CCDC149: variants seen among roughly 807,000 people sequenced by gnomAD.
CCDC149 encodes the protein coiled-coil domain-containing protein 149.
A neutral mutation model predicts 59.9 loss-of-function variants in CCDC149; 45 were observed. The ratio of observed to expected loss-of-function variants is 0.75; its 90% CI spans 0.59 to 0.96. The LOEUF (loss-of-function observed/expected upper bound fraction) is 0.96. Among genes scored for constraint, CCDC149 ranks in the 40% least tolerant of loss-of-function variants. CCDC149 has a pLI of 0.00. For missense variants in CCDC149, 584 were observed against 664.7 expected (o/e 0.88, Z 1.33); for synonymous variants, 245 against 260.6 (o/e 0.94, Z 0.58).
intron 1 of CCDC149, among the ~76,000 whole-genome samples, chr4:24,968,952 G>C (rs921872544): frequency 1.3e-5 from 2 of 152,186 alleles, no homozygotes; most frequent in African/African-American, 4.8e-5. Context: ...ATATTCCTTT[G>C]GCCACCACTG....
chr4:24,943,228 G>A (rs1334346090), intron 1 of CCDC149, among the ~76,000 whole-genome samples: 1 of 152,198 alleles, frequency 6.6e-6, no homozygotes, highest in Non-Finnish European at 1.5e-5. Flanking sequence ...AGAGCCCTCA[G>A]AAATAATGCC....
At chr4:24,968,901 A>G (rs1723881926) in intron 1 of CCDC149, among the ~76,000 whole-genome samples, 1 of 152,224 alleles carries the variant, frequency 6.6e-6, no homozygotes, top group South Asian at 2.1e-4. Flanking sequence ...TCTGGGAAAT[A>G]GGTCATCAGA....
At chr4:24,962,060 A>G (rs1354981618) in intron 1 of CCDC149, among the ~76,000 whole-genome samples, 2 of 151,602 alleles carry the variant, frequency 1.3e-5, no homozygotes, top group Admixed American at 1.3e-4. Context: ...CAATCTACTC[A>G]TCTGACAAAG....
At chr4:24,855,933 T>C (rs758070264) in intron 3 of CCDC149, among the ~76,000 whole-genome samples, 3 of 152,242 alleles carry the variant, frequency 2.0e-5, no homozygotes, top group Non-Finnish European at 4.4e-5. Flanking sequence ...ACTTCCTGGG[T>C]TGGGTGACAT....
At chr4:24,808,850 TC>T in intron 12 of CCDC149, 31 bp from the exon 13 acceptor site, 1 of 1,511,064 alleles carries the variant, frequency 6.6e-7, no homozygotes. Flanking sequence ...ACATTAAACC[TC>T]TGGCAGCAAA....
In CCDC149 at chr4:24,838,161, C is replaced by T; in HGVS notation, c.484G>A (p.Glu162Lys). ...GAATAGATGTTAGTGAGAACCTGTT[C>T]CTTAGCTCGCTCTAGCTGCTGCACC... Residue 162 changes from glutamate (E) to lysine (K), a missense_variant, in exon 5 of 13, where the codon GAA becomes AAA. By Grantham distance (56) the Glu-to-Lys change is moderately conservative. Coordinates refer to ENST00000635206, the MANE Select transcript of CCDC149 (RefSeq NM_001330643.2). 6.2e-7 allele frequency: 1 copy of T among 1,613,006 alleles called. No individual in the cohort carries two copies. The highest frequency in any genetic ancestry group is 1.3e-5 in the African/African-American group (1 of 75,022).
chr4:24,867,267 A>G (rs1718763545), intron 3 of CCDC149, among the ~76,000 whole-genome samples: 1 of 152,260 alleles, frequency 6.6e-6, no homozygotes, highest in African/African-American at 2.4e-5. Flanking sequence ...TCCACTATGA[A>G]CAGGAGGAAA....
At chr4:24,937,727 C>T (rs913288556) in intron 1 of CCDC149, among the ~76,000 whole-genome samples, 1 of 152,206 alleles carries the variant, frequency 6.6e-6, no homozygotes, top group African/African-American at 2.4e-5. Context: ...ATGTGCATCA[C>T]TTCTATTCAC....
At chr4:24,966,265 A>G (rs993662001) in intron 1 of CCDC149, among the ~76,000 whole-genome samples, 1 of 152,158 alleles carries the variant, frequency 6.6e-6, no homozygotes, top group African/African-American at 2.4e-5. Context: ...AATGGCAGTC[A>G]TATGCCAAAT....
rs541460859 is a variant in CCDC149 at position 24,944,845 on chromosome 4, A to T, written c.-65+35224T>A. On this transcript the variant is annotated intron_variant, in intron 1 of 12. Coordinates refer to the CCDC149 transcript ENST00000389609. ...TGAAAGGATGGTGATGATGGTAGTT[A>T]TTTTTGGCAACTATAAGTCTAAGGG... Among the ~76,000 whole-genome samples, 3 of 152,294 alleles carry T rather than the reference A, an allele frequency of 2.0e-5. No homozygotes were observed. In the East Asian group the frequency reaches 5.8e-4, roughly 29 times the overall value.
rs150370031 is a variant in CCDC149 at position 24,834,356 on chromosome 4, C to T, written c.820+592G>A. ...GCGTGCTGCTATTTATTCCCCTGGA[C>T]TGTTCCTGGAAGATCATTATTTTTC... On this transcript the variant is annotated intron_variant, in intron 8 of 12. Coordinates refer to ENST00000635206, the MANE Select transcript of CCDC149 (RefSeq NM_001330643.2). Among the ~76,000 whole-genome samples, 1,230 of 152,228 alleles carry T rather than the reference C, an allele frequency of 8.1e-3. 18 individuals are homozygous for T. The highest frequency in any genetic ancestry group is 0.028 in the African/African-American group (1,170 of 41,536).
chr4:24,946,242 C>T (rs754377480), intron 1 of CCDC149, among the ~76,000 whole-genome samples: 8 of 152,148 alleles, frequency 5.3e-5, no homozygotes, highest in Non-Finnish European at 1.0e-4. Context: ...AATTGCCTAG[C>T]CTGAATCCTA....
At chr4:24,853,876 G>A (rs1717833976) in intron 3 of CCDC149, among the ~76,000 whole-genome samples, 1 of 152,102 alleles carries the variant, frequency 6.6e-6, no homozygotes, top group Non-Finnish European at 1.5e-5. Context: ...ACAGTTTCCT[G>A]GGCTGGTTTT....
intron 1 of CCDC149, among the ~76,000 whole-genome samples, chr4:24,894,658 G>A (rs557203518): frequency 1.3e-5 from 2 of 151,904 alleles, no homozygotes; most frequent in South Asian, 4.2e-4. Context: ...CTTAGTATTT[G>A]TTCTCCTGTA....
chr4:24,807,559 C>T lies in CCDC149; in HGVS notation c.*830G>A, dbSNP rs1714283361. On this transcript the variant is annotated 3_prime_UTR_variant, in exon 13 of 13. Transcript: ENST00000635206. ...TGGCCATACAATCCTGTATGTGAGACAGGCTGAATGCAGAGAATGAGCATT... is the reference window on the plus strand; with the variant it reads ...TGGCCATACAATCCTGTATGTGAGATAGGCTGAATGCAGAGAATGAGCATT... 1 of 152,164 alleles carries T rather than the reference C, an allele frequency of 6.6e-6. No homozygotes were observed. The highest frequency in any genetic ancestry group is 2.4e-5 in the African/African-American group (1 of 41,424). 9.4% of individuals were successfully genotyped at this position (152,164 alleles called of 1,614,324 possible). A position where few individuals can be genotyped will look rare whatever the true frequency, so the allele number is the denominator to read the frequency against.
chr4:24,916,621 G>A (rs887093042), upstream of CCDC149, among the ~76,000 whole-genome samples: 4 of 152,118 alleles, frequency 2.6e-5, no homozygotes, highest in African/African-American at 7.2e-5. Flanking sequence ...TCTCATTAAA[G>A]GAAACTAAGC....
chr4:24,895,074 T>C (rs1368807009), intron 1 of CCDC149: 4 of 1,452,468 alleles, frequency 2.8e-6, no homozygotes, highest in Non-Finnish European at 3.7e-6. Context: ...GATGATGAGT[T>C]AATGACGTGG....
chr4:24,940,747 T>C (rs1418497339), intron 1 of CCDC149, among the ~76,000 whole-genome samples: 1 of 152,162 alleles, frequency 6.6e-6, no homozygotes, highest in East Asian at 1.9e-4. Flanking sequence ...GTTGTAATTC[T>C]AGTCTCAGAT....
chr4:24,848,693 A>C (rs562773278), intron 4 of CCDC149, among the ~76,000 whole-genome samples: 1 of 151,636 alleles, frequency 6.6e-6, no homozygotes, highest in Admixed American at 6.6e-5. Context: ...GAAAAGGTGA[A>C]AGTTCTCGAC....
Sources: allele counts gnomAD v4.1 joint callset (sites outside exome capture counted in the v4.1 genomes callset), GRCh38; gene constraint gnomAD v4.1.1; transcripts MANE v1.5; gene names NCBI Gene and HGNC (gene_info 2026-07-23, HGNC 2026-07-21).